Variants in SPEG observed in about 807,000 individuals in gnomAD.
The protein encoded by SPEG is striated muscle preferentially expressed protein kinase.
In SPEG, 114 loss-of-function variants were observed where a neutral mutation model predicts 300.4. The observed-to-expected ratio is 0.38, with a 90% CI of 0.33 to 0.44. The LOEUF is 0.44. SPEG is among the 20% of genes least tolerant of loss of function. SPEG has a pLI of 1.00. For missense variants in SPEG, 4,201 were observed against 4,586.2 expected, an observed-to-expected ratio of 0.92 and a Z score of 2.43; for synonymous variants, 1,964 against 2,018.9, an observed-to-expected ratio of 0.97 and a Z score of 0.73.
intron 1 of SPEG, among the ~76,000 whole-genome samples, chr2:219,435,595 C>A (rs1954697170): frequency 6.6e-6 from 1 of 152,218 alleles, no homozygotes; most frequent in Non-Finnish European, 1.5e-5. Flanking sequence ...CAAGGGGCAG[C>A]AAGCGGTTGA....
chr2:219,483,961 C>T lies in SPEG; in HGVS notation c.6498C>T (p.Ser2166=), dbSNP rs982968096. 8 of 1,608,282 alleles carry T rather than the reference C, an allele frequency of 5.0e-6. No individual in the cohort carries two copies. In the East Asian group the frequency reaches 6.7e-5, roughly 13 times the overall value. Reference sequence around the variant, plus strand: ...CCCGTAGGCTACAGGAGTCTCCTTCCCTGTCTGCCCTCAGCGAGGCCCAGC... The same window carrying T: ...CCCGTAGGCTACAGGAGTCTCCTTCTCTGTCTGCCCTCAGCGAGGCCCAGC... ...LGARRLQESP[S]LSALSEAQPS... Residue 2166 remains serine (S), a synonymous_variant, in exon 30 of 41, where the codon TCC becomes TCT. Transcript: ENST00000312358.
chr2:219,460,126 A>G (rs1369086905), intron 6 of SPEG, among the ~76,000 whole-genome samples: 3 of 152,234 alleles, frequency 2.0e-5, no homozygotes, highest in Non-Finnish European at 4.4e-5. Context: ...CAAGTTGCCA[A>G]CAGGTGCCCT....
chr2:219,478,127 G>A (rs1458695822), intron 22 of SPEG, 22 bp downstream of exon 22: 5 of 1,600,908 alleles, frequency 3.1e-6, no homozygotes, highest in African/African-American at 1.3e-5. Flanking sequence ...CAGGCTGGGG[G>A]CTAGGGGGAT....
rs1294626688 is a variant in SPEG at position 219,478,105 on chromosome 2, T to A, written c.5027T>A (p.Leu1676His). 6.2e-7 allele frequency: 1 copy of A among 1,613,148 alleles called. No homozygotes were observed. The highest frequency in any genetic ancestry group is 8.5e-7 in the Non-Finnish European group (1 of 1,179,184). ...CGGGGACTGGTCATTGTCACCGAGC[T>A]GTATCCTGGGACAGGCTGGGGGCTA... Reference protein sequence around the residue: ...RRRGLVIVTELCTEELLERIA... With the variant: ...RRRGLVIVTEHCTEELLERIA... The change falls in exon 22 of 41, where the codon CTC becomes CAC. Residue 1676 changes from leucine (L) to histidine (H), a missense_variant and splice_region_variant. This residue lies in a region of SPEG where 1,047 missense variants were observed against 1,356.8 expected (regional missense o/e 0.77). Coordinates refer to ENST00000312358, the MANE Select transcript of SPEG (RefSeq NM_005876.5).
intron 1 of SPEG, among the ~76,000 whole-genome samples, chr2:219,440,650 G>A (rs1559361526): frequency 6.6e-6 from 1 of 151,700 alleles, no homozygotes; most frequent in South Asian, 2.1e-4. Flanking sequence ...ACAGTGGTGC[G>A]ATCTCTGCTC....
intron 1 of SPEG, among the ~76,000 whole-genome samples, chr2:219,440,069 A>C (rs992700011): frequency 6.6e-6 from 1 of 152,220 alleles, no homozygotes; most frequent in African/African-American, 2.4e-5. Context: ...CAGAATGTAC[A>C]AGACATGACC....
At chr2:219,468,477 C>T (rs1691579118) in intron 10 of SPEG, 101 bp from the exon 11 acceptor site, 1 of 1,369,880 alleles carries the variant, frequency 7.3e-7, no homozygotes, top group Non-Finnish European at 9.9e-7. Context: ...GGGCTCTGCC[C>T]AGGCTCCAGC....
intron 1 of SPEG, among the ~76,000 whole-genome samples, chr2:219,442,465 C>T (rs1218041589): frequency 1.3e-5 from 2 of 150,272 alleles, no homozygotes; most frequent in African/African-American, 4.9e-5. Context: ...CAGCCCCCCA[C>T]TCTGAAGCTT....
At chr2:219,460,971 C>T (rs1690628492) in intron 6 of SPEG, 3 of 984,298 alleles carry the variant, frequency 3.0e-6, no homozygotes, top group Non-Finnish European at 3.6e-6. Flanking sequence ...CAGGCACAGG[C>T]TGGGGTCTGT....
rs933100136 is a variant in SPEG, at chr2:219,493,535, A to G, written c.*749A>G. 56 of 459,218 alleles carry G rather than the reference A, an allele frequency of 1.2e-4. No individual in the cohort carries two copies. The Admixed American group carries it at 1.3e-3, about 11-fold the overall frequency. 28.4% of individuals were successfully genotyped at this position (459,218 alleles called of 1,614,324 possible). On this transcript the variant is annotated 3_prime_UTR_variant, in exon 41 of 41. Transcript: ENST00000312358. The stretch of plus-strand genomic sequence containing the variant: ...TGACTTTTATGAAGTTTCCCCTTCC[A>G]TCCGATCCCTACTGCCCATGTTGTC...
chr2:219,493,113 G>T lies in SPEG; in HGVS notation c.*327G>T. On this transcript the variant is annotated 3_prime_UTR_variant, in exon 41 of 41. Coordinates refer to ENST00000312358, the MANE Select transcript of SPEG (RefSeq NM_005876.5). Reference sequence around the variant, plus strand: ...GGGGGAGGCTCTAGGAAGGTTCTGGGTTGGGGGTCAGTGCATCTCAGGGAG... The same window carrying T: ...GGGGGAGGCTCTAGGAAGGTTCTGGTTTGGGGGTCAGTGCATCTCAGGGAG... 1 of 570,312 alleles carries T rather than the reference G, an allele frequency of 1.8e-6. No individual in the cohort carries two copies. Among genetic ancestry groups the T allele is most frequent in the Non-Finnish European group, 3.3e-6 (1 of 304,186 alleles). The allele number at this position is 570,312 out of a possible 1,614,324, so 35.3% of individuals were successfully genotyped here.
At chr2:219,469,069 G>A (rs369411832) in intron 12 of SPEG, 21 bp downstream of exon 12, 1 of 1,609,266 alleles carries the variant, frequency 6.2e-7, no homozygotes, top group Non-Finnish European at 8.5e-7. Context: ...GGCCCCAAAT[G>A]ATGCTGGGGC....
Position 219,473,997 on chromosome 2 carries a change from A to G in SPEG, c.4447+94A>G. 1 of 1,348,256 alleles carries G rather than the reference A, an allele frequency of 7.4e-7. No homozygotes were observed. The highest frequency in any genetic ancestry group is 1.3e-5 in the South Asian group (1 of 74,292). 83.5% of individuals were successfully genotyped at this position (1,348,256 alleles called of 1,614,324 possible). A position where few individuals can be genotyped will look rare whatever the true frequency, so the allele number is the denominator to read the frequency against. On this transcript the variant is annotated intron_variant, in intron 18 of 40. Transcript: ENST00000312358. This position sits in a 1 kb window ranked among gnomAD's most constrained non-coding sequence, Gnocchi z 4.6. ...TACACAACCTGCCTGACACTGCTGC[A>G]GATCCAAACCCATGTCCTCTGGTCA...
chr2:219,469,153 C>CA lies in SPEG; in HGVS notation c.3492-2dup, dbSNP rs778097358. On this transcript the variant is annotated splice_region_variant and splice_polypyrimidine_tract_variant and intron_variant, in intron 12 of 40. Transcript: ENST00000312358. ...GCCTGTGGGCAGCTGTGTGGTCTTG[C>CA]AGCTCGAAGCTGGAGAAGATGCCAT... 20 of 1,613,440 alleles carry CA rather than the reference C, an allele frequency of 1.2e-5. No homozygotes were observed. Among genetic ancestry groups the CA allele is most frequent in the Non-Finnish European group, 1.2e-5 (14 of 1,179,866 alleles).
At position 219,478,078 on chromosome 2, in the gene SPEG, G is replaced by A. The variant is rs375420359; in HGVS notation, c.5000G>A (p.Arg1667His). Residue 1667 changes from arginine to histidine, a missense_variant, in exon 22 of 41, where the codon CGC becomes CAC. By Grantham distance (29) the Arg-to-His change is conservative (BLOSUM62 0). Coordinates refer to ENST00000312358, the MANE Select transcript of SPEG (RefSeq NM_005876.5). The part of the protein sequence containing the change: ...VLYFHEAFER[R>H]RGLVIVTELC... ...TACTTCCATGAGGCCTTCGAGAGGC[G>A]CCGGGGACTGGTCATTGTCACCGAG... The A allele has an allele frequency of 6.3e-5, 101 of 1,614,012 alleles. No homozygotes were observed. Among genetic ancestry groups the A allele is most frequent in the Middle Eastern group, 1.6e-4 (1 of 6,082 alleles).
intron 6 of SPEG, among the ~76,000 whole-genome samples, chr2:219,456,724 A>G (rs1690209714): frequency 6.6e-6 from 1 of 152,176 alleles, no homozygotes; most frequent in African/African-American, 2.4e-5. Context: ...CCTGACCAAC[A>G]TAGTGAAACC....
Position 219,465,937 on chromosome 2 carries a change from GCA to G in SPEG, c.2882-1235_2882-1234del, listed in dbSNP as rs1691283699. ...CGTGTGTGTGTGCGCGCGTGTGCGTGCACGTGTGCGTGCATGTGTGCGTGTGC... is the reference window on the plus strand; with the variant it reads ...CGTGTGTGTGTGCGCGCGTGTGCGTGCGTGTGCGTGCATGTGTGCGTGTGC... On this transcript the variant is annotated intron_variant, in intron 9 of 40. Transcript: ENST00000312358. 6.9e-5 allele frequency: 17 copies of G among 247,886 alleles called. No individual in the cohort carries two copies. The Middle Eastern group carries it at 5.7e-3, about 83-fold the overall frequency. 15.4% of individuals were successfully genotyped at this position (247,886 alleles called of 1,614,324 possible).
rs1433405348 is a variant in SPEG, at chr2:219,490,455, C to A, written c.8968C>A (p.Arg2990=). The change falls in exon 37 of 41, where the codon CGA becomes AGA. Residue 2990 remains arginine (R), a synonymous_variant. Coordinates refer to ENST00000312358, the MANE Select transcript of SPEG (RefSeq NM_005876.5). ...VRACRENATG[R]TFVAKIVPYA... is the part of the protein sequence containing the mutation. The stretch of plus-strand genomic sequence containing the variant: ...AGCGTGCCGGGAGAATGCCACGGGG[C>A]GAACGTTCGTGGCCAAGATCGTGCC... 1 of 1,613,072 alleles carries A rather than the reference C, an allele frequency of 6.2e-7. No homozygotes were observed. Among genetic ancestry groups the A allele is most frequent in the Non-Finnish European group, 8.5e-7 (1 of 1,179,936 alleles).
rs1162120717 is a variant in SPEG, at chr2:219,479,654, C to G, written c.5086-129C>G. ...GCCTTGGATCTTTGCAACCCCAAAC[C>G]TGTTTCAGCCCCTTCCACGAGCCAT... On this transcript the variant is annotated intron_variant, in intron 23 of 40. Transcript: ENST00000312358. This position sits in a 1 kb window ranked among gnomAD's most constrained non-coding sequence, Gnocchi z 5.5. The G allele has an allele frequency of 6.2e-6, 5 of 800,528 alleles. No individual in the cohort carries two copies. Among genetic ancestry groups the G allele is most frequent in the Non-Finnish European group, 1.1e-5 (5 of 469,736 alleles). The allele number at this position is 800,528 out of a possible 1,614,324, so 49.6% of individuals were successfully genotyped here.
Sources: allele counts gnomAD v4.1 joint callset (sites outside exome capture counted in the v4.1 genomes callset), GRCh38; gene constraint gnomAD v4.1.1; regional missense constraint gnomAD v4.1.1; non-coding constraint Gnocchi (gnomAD v3.1); transcripts MANE v1.5; gene names NCBI Gene and HGNC (gene_info 2026-07-23, HGNC 2026-07-21).